MBTD1: variants seen among roughly 807,000 people sequenced by gnomAD.
MBTD1 encodes mbt domain containing 1, also known as MBT domain-containing protein 1.
MBTD1 carries 24 observed loss-of-function variants against 87.8 expected under a neutral mutation model. The observed-to-expected ratio is 0.27, with a 90% CI of 0.20 to 0.38. MBTD1 has a LOEUF of 0.38. Ranked by LOEUF, MBTD1 falls within the 10% of genes least tolerant of loss-of-function variation. MBTD1 has a pLI of 1.00. For synonymous variants in MBTD1, 237 were observed against 248.6 expected (o/e 0.95, Z 0.44); for missense variants, 436 against 760.2 (o/e 0.57, Z 5.02).
chr17:51,190,046 T>C (rs2050724298), intron 16 of MBTD1, among the ~76,000 whole-genome samples: 1 of 152,180 alleles, frequency 6.6e-6, no homozygotes, highest in Non-Finnish European at 1.5e-5. Context: ...GGGAGAAAAC[T>C]TATTTTTCAA....
At chr17:51,249,223 G>A (rs1463778026) in intron 2 of MBTD1, among the ~76,000 whole-genome samples, 2 of 152,048 alleles carry the variant, frequency 1.3e-5, no homozygotes, top group East Asian at 1.9e-4. Context: ...TCATGCCACT[G>A]TACTGCAGCC....
At chr17:51,220,526 A>C in intron 3 of MBTD1, 63 bp from the exon 4 acceptor site, 1 of 1,392,652 alleles carries the variant, frequency 7.2e-7, no homozygotes. Context: ...TTCATCTAAC[A>C]GTTTAAATAA....
intron 2 of MBTD1, among the ~76,000 whole-genome samples, chr17:51,238,539 T>C (rs910180817): frequency 6.6e-6 from 1 of 152,098 alleles, no homozygotes; most frequent in African/African-American, 2.4e-5. Flanking sequence ...AACAACCAGA[T>C]TGTATTAGAA....
intron 6 of MBTD1, among the ~76,000 whole-genome samples, chr17:51,208,889 A>G (rs1268741212): frequency 6.6e-6 from 1 of 152,226 alleles, no homozygotes; most frequent in Admixed American, 6.5e-5. Context: ...AATAATGTTC[A>G]CTTTGGTGGA....
At chr17:51,229,382 A>G (rs1175045406) in intron 2 of MBTD1, among the ~76,000 whole-genome samples, 2 of 152,060 alleles carry the variant, frequency 1.3e-5, no homozygotes, top group Non-Finnish European at 2.9e-5. Context: ...GTATTAAATG[A>G]CCACAAAACA....
intron 6 of MBTD1, among the ~76,000 whole-genome samples, chr17:51,215,225 T>C (rs2143500367): frequency 6.6e-6 from 1 of 152,286 alleles, no homozygotes; most frequent in East Asian, 1.9e-4. Context: ...AATCATGTGG[T>C]AAGGTTAGCT....
Position 51,195,307 on chromosome 17 carries a change from C to T in MBTD1, c.1279G>A (p.Gly427Arg), listed in dbSNP as rs1286719851. ...GCATGGTAACAGAACCAGTCAGATC[C>T]GTCTGCTGCTTCTGAGCCATCGATC... is the stretch of plus-strand genomic sequence containing the variant. ...IGIDGSEAAD[G>R]SDWFCYHATS... The change falls in exon 13 of 17, where the codon GGA becomes AGA. Residue 427 changes from glycine to arginine, a missense_variant. Physicochemically the swap from Gly to Arg is moderately radical, Grantham distance 125. This residue lies in a region of MBTD1 where 268 missense variants were observed against 401.8 expected (regional missense o/e 0.67). Coordinates refer to ENST00000586178, the MANE Select transcript of MBTD1 (RefSeq NM_017643.3). 1.5e-5 allele frequency: 24 copies of T among 1,612,098 alleles called. No individual in the cohort carries two copies. The highest frequency in any genetic ancestry group is 2.0e-5 in the Non-Finnish European group (23 of 1,178,944).
chr17:51,259,023 G>C, intron 2 of MBTD1, 120 bp downstream of exon 2: 1 of 395,934 alleles, frequency 2.5e-6, no homozygotes, highest in Non-Finnish European at 4.4e-6. Context: ...ACATGAATGA[G>C]ACTGAAGGGT....
At chr17:51,251,669 C>T (rs920125344) in intron 2 of MBTD1, 3 of 152,168 alleles carry the variant, frequency 2.0e-5, no homozygotes, top group Non-Finnish European at 4.4e-5. Context: ...TATTTCTCTA[C>T]CTATAAGAAT....
rs775804999 is a variant in MBTD1 at position 51,201,746 on chromosome 17, G to A, written c.1120-50C>T. On this transcript the variant is annotated intron_variant, in intron 11 of 16. Coordinates refer to ENST00000586178, the MANE Select transcript of MBTD1 (RefSeq NM_017643.3). ...CTACTGTTACAAATGTTGTTATTTT[G>A]ATAATTAAAATATTACCAATGTGAA... 7 of 1,238,434 alleles carry A rather than the reference G, an allele frequency of 5.7e-6. No homozygotes were observed. In the African/African-American group the frequency reaches 7.5e-5, roughly 13 times the overall value. 76.7% of individuals were successfully genotyped at this position (1,238,434 alleles called of 1,614,324 possible).
At chr17:51,212,161 C>T (rs759147823) in intron 6 of MBTD1, among the ~76,000 whole-genome samples, 18 of 152,084 alleles carry the variant, frequency 1.2e-4, no homozygotes, top group Non-Finnish European at 2.1e-4. Flanking sequence ...AGTTCGAGAA[C>T]AGCCTGACCA....
chr17:51,215,443 G>A (rs2052510165), intron 6 of MBTD1, among the ~76,000 whole-genome samples: 1 of 152,096 alleles, frequency 6.6e-6, no homozygotes, highest in Admixed American at 6.5e-5. Flanking sequence ...AAAACAGTCT[G>A]ATATGGTTTA....
intron 13 of MBTD1, among the ~76,000 whole-genome samples, chr17:51,194,261 C>T (rs941948949): frequency 1.1e-4 from 16 of 152,126 alleles, no homozygotes; most frequent in Non-Finnish European, 2.2e-4. Context: ...ACGAGTAAAA[C>T]AGCCATCCTT....
At chr17:51,189,217 A>C (rs1180046427) in intron 16 of MBTD1, among the ~76,000 whole-genome samples, 2 of 152,210 alleles carry the variant, frequency 1.3e-5, no homozygotes, top group Non-Finnish European at 2.9e-5. Flanking sequence ...TATGTTACAC[A>C]GACTATATTT....
Position 51,192,810 on chromosome 17 carries a change from T to C in MBTD1, c.1662A>G (p.Gly554=). 6.2e-7 allele frequency: 1 copy of C among 1,614,172 alleles called. No homozygotes were observed. The highest frequency in any genetic ancestry group is 8.5e-7 in the Non-Finnish European group (1 of 1,180,020). ...GTGATGCTGGAGGCTGTAGTTGATA[T>C]CCAGTTAACTGACACCACCCTACAG... ...LYPVGWCQLT[G]YQLQPPASQS... The change falls in exon 15 of 17, where the codon GGA becomes GGG. Residue 554 remains glycine (G), a synonymous_variant. Coordinates refer to ENST00000586178, the MANE Select transcript of MBTD1 (RefSeq NM_017643.3).
chr17:51,187,866 G>GAAAAAAAA (rs71149350), intron 16 of MBTD1, among the ~76,000 whole-genome samples: 10 of 118,150 alleles, frequency 8.5e-5, no homozygotes, highest in Admixed American at 8.6e-5. Flanking sequence ...AAGAAAGAAA[G>GAAAAAAAA]AAAAAAAAAA....
In MBTD1 at chr17:51,177,948, A is replaced by G. The variant is rs993285885; in HGVS notation, c.*2628T>C. 3.1e-5 allele frequency: 4 copies of G among 127,066 alleles called. No individual in the cohort carries two copies. Among genetic ancestry groups the G allele is most frequent in the African/African-American group, 1.1e-4 (4 of 37,634 alleles). 7.9% of individuals were successfully genotyped at this position (127,066 alleles called of 1,614,324 possible). A position where few individuals can be genotyped will look rare whatever the true frequency, so the allele number is the denominator to read the frequency against. On this transcript the variant is annotated 3_prime_UTR_variant, in exon 17 of 17. Coordinates refer to ENST00000586178, the MANE Select transcript of MBTD1 (RefSeq NM_017643.3). ...AGGGTATTCACATCACGCAAAATTA[A>G]TAATAATAATAAAAACAAACAAACA...
chr17:51,217,474 G>A, intron 5 of MBTD1, 58 bp from the exon 6 acceptor site: 1 of 785,448 alleles, frequency 1.3e-6, no homozygotes, highest in Non-Finnish European at 2.0e-6. Flanking sequence ...TTATAAGAAG[G>A]TTATCATTGT....
At chr17:51,200,950 C>G (rs1340384291) in intron 12 of MBTD1, among the ~76,000 whole-genome samples, 1 of 151,870 alleles carries the variant, frequency 6.6e-6, no homozygotes, top group African/African-American at 2.4e-5. Flanking sequence ...GAATCTGAGA[C>G]CAGCCTGGGC....
Sources: gnomAD v4.1 joint callset for allele counts (sites outside exome capture counted in the v4.1 genomes callset) on GRCh38, gnomAD v4.1.1 for gene constraint, gnomAD v4.1.1 regional missense constraint, MANE v1.5 for transcripts, NCBI Gene and HGNC (gene_info 2026-07-23, HGNC 2026-07-21) for gene names.